The following DACH1 variants were observed in gnomAD, a reference collection of about 807,000 sequenced individuals.
The protein encoded by DACH1 is dachshund family transcription factor 1.
A neutral mutation model predicts 54.2 loss-of-function variants in DACH1; 12 were observed. That is an observed-to-expected ratio of 0.22 (90% CI 0.14 to 0.36). DACH1 has a LOEUF of 0.36. DACH1 is among the 10% of genes least tolerant of loss of function. The pLI, the probability that DACH1 is intolerant of heterozygous loss-of-function variation, is 1.00. For synonymous variants in DACH1, 386 were observed against 366.2 expected, an observed-to-expected ratio of 1.05 and a Z score of -0.62; for missense variants, 805 against 929.8, an observed-to-expected ratio of 0.87 and a Z score of 1.75.
intron 1 of DACH1, among the ~76,000 whole-genome samples, chr13:71,766,103 G>T (rs1049866161): frequency 1.3e-5 from 2 of 151,986 alleles, no homozygotes; most frequent in Non-Finnish European, 2.9e-5. Flanking sequence ...AGCCAGGATG[G>T]TCTCGGTCTC....
chr13:71,482,800 T>G (rs532149384), intron 7 of DACH1, among the ~76,000 whole-genome samples: 2,003 of 146,702 alleles, frequency 0.014, 42 homozygotes, highest in African/African-American at 0.047. Context: ...ACAGTTTTTT[T>G]TTTTTTTTTT....
chr13:71,696,657 C>T (rs1213565066), intron 1 of DACH1, among the ~76,000 whole-genome samples: 1 of 151,942 alleles, frequency 6.6e-6, no homozygotes, highest in African/African-American at 2.4e-5. Flanking sequence ...AAGTGATTCT[C>T]CTGCCTCAGC....
At chr13:71,740,946 G>C (rs755138502) in intron 1 of DACH1, among the ~76,000 whole-genome samples, 7 of 151,994 alleles carry the variant, frequency 4.6e-5, no homozygotes, top group African/African-American at 7.2e-5. Context: ...TTTTGGCCTT[G>C]ACAGATAAAG....
chr13:71,660,069 T>A (rs919062074), intron 2 of DACH1, among the ~76,000 whole-genome samples: 3 of 152,142 alleles, frequency 2.0e-5, no homozygotes, highest in Non-Finnish European at 2.9e-5. Flanking sequence ...CTTAGGAACC[T>A]AATGATGCAA....
chr13:71,808,085 C>A (rs1319139377), intron 1 of DACH1, among the ~76,000 whole-genome samples: 2 of 152,136 alleles, frequency 1.3e-5, no homozygotes, highest in Non-Finnish European at 2.9e-5. Flanking sequence ...TTGACATCAC[C>A]ACCCAACCTG....
chr13:71,496,394 GAAT>G (rs1355771106), intron 6 of DACH1, among the ~76,000 whole-genome samples: 1 of 147,304 alleles, frequency 6.8e-6, no homozygotes. Flanking sequence ...CCATAAATAA[GAAT>G]GAAATTATGT....
At chr13:71,630,510 C>T (rs1289785625) in intron 3 of DACH1, 46 bp downstream of exon 3, 1 of 1,504,908 alleles carries the variant, frequency 6.6e-7, no homozygotes, top group Non-Finnish European at 8.8e-7. Flanking sequence ...TACTGTAATT[C>T]AGTAGCAAAG....
chr13:71,778,922 G>A (rs185158373), intron 1 of DACH1, among the ~76,000 whole-genome samples: 2 of 151,884 alleles, frequency 1.3e-5, no homozygotes, highest in Admixed American at 6.6e-5. Flanking sequence ...TATTTTCATT[G>A]TAACCATTCA....
chr13:71,723,114 T>C (rs1176198149), intron 1 of DACH1, among the ~76,000 whole-genome samples: 1 of 151,960 alleles, frequency 6.6e-6, no homozygotes, highest in African/African-American at 2.4e-5. Flanking sequence ...TATTAAAATG[T>C]GTCTAGGTCT....
intron 3 of DACH1, among the ~76,000 whole-genome samples, chr13:71,606,473 T>G (rs528599493): frequency 5.3e-5 from 8 of 152,166 alleles, no homozygotes; most frequent in Admixed American, 2.6e-4. Flanking sequence ...AAATGATTAC[T>G]GGTATGACAG....
chr13:71,548,917 C>CA (rs1460385630), intron 6 of DACH1, among the ~76,000 whole-genome samples: 3 of 150,860 alleles, frequency 2.0e-5, no homozygotes, highest in Admixed American at 6.6e-5. Context: ...ACTCTGTCAC[C>CA]AAAAAGAAAA....
chr13:71,785,465 C>G (rs191871664), intron 1 of DACH1, among the ~76,000 whole-genome samples: 1 of 152,084 alleles, frequency 6.6e-6, no homozygotes, highest in East Asian at 1.9e-4. Flanking sequence ...CATTGCTAAC[C>G]AGTTTTAAGA....
chr13:71,464,731 C>T (rs1226437637), intron 10 of DACH1: 3 of 454,258 alleles, frequency 6.6e-6, no homozygotes, highest in Non-Finnish European at 1.3e-5. Context: ...TATAATCTTG[C>T]AGCTAAGAAC....
intron 10 of DACH1, among the ~76,000 whole-genome samples, chr13:71,447,559 C>T (rs546601453): frequency 7.0e-4 from 106 of 152,112 alleles, no homozygotes; most frequent in African/African-American, 2.5e-3. Context: ...TATGGCCGGG[C>T]GCAGTGGCTC....
chr13:71,734,996 C>T lies in DACH1; in HGVS notation c.849-53086G>A, dbSNP rs1235437837. 5.4e-5 allele frequency among the ~76,000 whole-genome samples: 7 copies of T among 129,070 alleles called. No homozygotes were observed. The South Asian group carries it at 7.3e-4, about 14-fold the overall frequency. The allele number at this position is 129,070 out of a possible 152,430, so 84.7% of individuals were successfully genotyped here. A position where few individuals can be genotyped will look rare whatever the true frequency, so the allele number is the denominator to read the frequency against. On this transcript the variant is annotated intron_variant, in intron 1 of 10. Coordinates refer to ENST00000613252, the MANE Select transcript of DACH1 (RefSeq NM_080759.6). ...CACACACAGGATATATATATATATA[C>T]AGACACAGGATATTTATATATACAC...
At chr13:71,547,860 T>G (rs1278229017) in intron 6 of DACH1, among the ~76,000 whole-genome samples, 2 of 152,168 alleles carry the variant, frequency 1.3e-5, no homozygotes, top group Non-Finnish European at 2.9e-5. Flanking sequence ...GCTGACTGAA[T>G]GTGTTAAATC....
chr13:71,584,456 T>C (rs1873081187), intron 3 of DACH1, among the ~76,000 whole-genome samples: 1 of 152,136 alleles, frequency 6.6e-6, no homozygotes, highest in Non-Finnish European at 1.5e-5. Flanking sequence ...TAAACAATAA[T>C]GGAAAGACGA....
chr13:71,840,244 G>T (rs1313681728), intron 1 of DACH1, among the ~76,000 whole-genome samples: 1 of 151,878 alleles, frequency 6.6e-6, no homozygotes, highest in Non-Finnish European at 1.5e-5. Flanking sequence ...CACCACGCTG[G>T]GTCTACAGCC....
intron 3 of DACH1, among the ~76,000 whole-genome samples, chr13:71,620,059 A>G (rs929524340): frequency 1.3e-5 from 2 of 151,894 alleles, no homozygotes; most frequent in Non-Finnish European, 2.9e-5. Context: ...TAATTTACAA[A>G]CTAATTTGAC....
Sources: gnomAD v4.1 joint callset for allele counts (sites outside exome capture counted in the v4.1 genomes callset) on GRCh38, gnomAD v4.1.1 for gene constraint, MANE v1.5 for transcripts, NCBI Gene and HGNC (gene_info 2026-07-23, HGNC 2026-07-21) for gene names.